CMC1: variants seen among roughly 807,000 people sequenced by gnomAD.
CMC1 encodes COX assembly mitochondrial protein homolog.
A neutral mutation model predicts 14.1 loss-of-function variants in CMC1; 14 were observed. That is an observed-to-expected ratio of 0.99 (90% confidence interval 0.66 to 1.55). CMC1 has a LOEUF of 1.55. Ranked by LOEUF, CMC1 falls within the 40% of genes most tolerant of loss-of-function variation. CMC1 has a pLI of 0.00. For synonymous variants in CMC1, 50 were observed against 38.4 expected (o/e 1.30, Z -1.12); for missense variants, 127 against 123.8 (o/e 1.03, Z -0.12).
chr3:28,264,585 T>A (rs1269488263), intron 2 of CMC1, among the ~76,000 whole-genome samples: 1 of 152,176 alleles, frequency 6.6e-6, no homozygotes, highest in Non-Finnish European at 1.5e-5. Context: ...TACCCCCAGA[T>A]GTCTTGAGAC....
chr3:28,298,236 T>C (rs1298650156), intron 2 of CMC1: 1 of 151,410 alleles, frequency 6.6e-6, no homozygotes, highest in Non-Finnish European at 1.5e-5. Context: ...ATATGGCTCA[T>C]TGGATATGAA....
chr3:28,295,055 C>A (rs188597760), intron 2 of CMC1, among the ~76,000 whole-genome samples: 3 of 152,012 alleles, frequency 2.0e-5, no homozygotes, highest in Non-Finnish European at 4.4e-5. Flanking sequence ...GCTGTGCTAC[C>A]CCAGAAATAC....
At chr3:28,306,240 G>T (rs952540168) in intron 2 of CMC1, among the ~76,000 whole-genome samples, 1 of 152,148 alleles carries the variant, frequency 6.6e-6, no homozygotes, top group Non-Finnish European at 1.5e-5. Context: ...TTGGTAATTT[G>T]ATAGGAATAG....
At chr3:28,308,483 A>G (rs1316911148) in intron 2 of CMC1, among the ~76,000 whole-genome samples, 1 of 152,184 alleles carries the variant, frequency 6.6e-6, no homozygotes, top group East Asian at 1.9e-4. Flanking sequence ...TTCTGCTATG[A>G]TGAAATAAAA....
intron 1 of CMC1, among the ~76,000 whole-genome samples, chr3:28,250,111 T>C (rs1304469267): frequency 2.0e-5 from 3 of 152,136 alleles, no homozygotes; most frequent in Non-Finnish European, 4.4e-5. Flanking sequence ...TACAGTCACA[T>C]TGAGGGTTAG....
At chr3:28,265,847 CTTGATCTAA>C (rs1161273864) in intron 2 of CMC1, among the ~76,000 whole-genome samples, 1 of 152,172 alleles carries the variant, frequency 6.6e-6, no homozygotes, top group Non-Finnish European at 1.5e-5. Flanking sequence ...GATCTTTGGA[CTTGATCTAA>C]TTTGCTAGCA....
intron 1 of CMC1, among the ~76,000 whole-genome samples, chr3:28,251,466 C>T (rs1357635203): frequency 6.6e-6 from 1 of 152,172 alleles, no homozygotes; most frequent in Non-Finnish European, 1.5e-5. Flanking sequence ...TACACTGCCA[C>T]ACTGGGGATC....
chr3:28,274,946 C>T (rs1266775392), intron 2 of CMC1, among the ~76,000 whole-genome samples: 1 of 152,054 alleles, frequency 6.6e-6, no homozygotes, highest in Non-Finnish European at 1.5e-5. Flanking sequence ...CCATCAGGTC[C>T]TTTATGTTCC....
At chr3:28,311,021 C>T (rs1702613604) in intron 2 of CMC1, among the ~76,000 whole-genome samples, 1 of 152,222 alleles carries the variant, frequency 6.6e-6, no homozygotes, top group Non-Finnish European at 1.5e-5. Flanking sequence ...CCGCCCGGTT[C>T]CTAACAGGCC....
intron 2 of CMC1, among the ~76,000 whole-genome samples, chr3:28,279,980 T>C (rs982088181): frequency 2.6e-5 from 4 of 152,216 alleles, no homozygotes; most frequent in African/African-American, 9.7e-5. Context: ...GTAGTGTATC[T>C]ATCAGTAGCC....
chr3:28,263,247 G>T lies in CMC1; in HGVS notation c.20-44G>T. On this transcript the variant is annotated intron_variant, in intron 1 of 3. Coordinates refer to ENST00000466830, the MANE Select transcript of CMC1 (RefSeq NM_182523.2). ...AGTCTTATTTTTCCTTTAATCTGGT[G>T]ATTTGCTTGAGACTTTATTAAAGAA... The T allele has an allele frequency of 2.2e-6, 3 of 1,390,324 alleles. No individual in the cohort carries two copies. The South Asian group carries it at 3.8e-5, about 18-fold the overall frequency. 86.1% of individuals were successfully genotyped at this position (1,390,324 alleles called of 1,614,324 possible). A position where few individuals can be genotyped will look rare whatever the true frequency, so the allele number is the denominator to read the frequency against.
intron 1 of CMC1, among the ~76,000 whole-genome samples, chr3:28,255,241 C>CT (rs61315525): frequency 0.07 from 9,310 of 133,104 alleles, 475 homozygotes; most frequent in Non-Finnish European, 0.1. Flanking sequence ...TTTGTTTCCT[C>CT]TTTTTTTTTT....
chr3:28,265,532 TAA>T (rs1668893090), intron 2 of CMC1, among the ~76,000 whole-genome samples: 6 of 152,152 alleles, frequency 3.9e-5, no homozygotes, highest in Admixed American at 3.9e-4. Context: ...GGTTCTTAGA[TAA>T]AAGATACAGG....
intron 2 of CMC1, 57 bp from the exon 3 acceptor site, chr3:28,316,276 G>T (rs1460215975): frequency 6.1e-6 from 5 of 822,690 alleles, no homozygotes; most frequent in Non-Finnish European, 9.2e-6. Context: ...AATTGTGTGT[G>T]TGGGTATTTA....
chr3:28,281,112 G>C (rs939717040), intron 2 of CMC1, among the ~76,000 whole-genome samples: 2 of 152,170 alleles, frequency 1.3e-5, no homozygotes, highest in African/African-American at 4.8e-5. Flanking sequence ...CACAGGAAAG[G>C]CTTGCCTAAA....
intron 1 of CMC1, among the ~76,000 whole-genome samples, chr3:28,245,016 G>C (rs1698746262): frequency 7.0e-6 from 1 of 143,748 alleles, no homozygotes; most frequent in Admixed American, 7.0e-5. Context: ...TTCACATTTT[G>C]ATGTTTTACT....
At chr3:28,287,084 G>C (rs1010138029) in intron 2 of CMC1, among the ~76,000 whole-genome samples, 1 of 151,894 alleles carries the variant, frequency 6.6e-6, no homozygotes, top group Non-Finnish European at 1.5e-5. Context: ...ACCAATTCTC[G>C]GATTCTTCCT....
At position 28,267,793 on chromosome 3, in the gene CMC1, G is replaced by A. The variant is rs564091369; in HGVS notation, c.109+4413G>A. ...TCAAGAATGCTTAGAATGTTCTTTAGGAAGTTTACAGGCAGGTAATTATCA... is the reference window on the plus strand; with the variant it reads ...TCAAGAATGCTTAGAATGTTCTTTAAGAAGTTTACAGGCAGGTAATTATCA... On this transcript the variant is annotated intron_variant, in intron 2 of 3. Transcript: ENST00000466830. Among the ~76,000 whole-genome samples the A allele has an allele frequency of 2.0e-5, 3 of 152,304 alleles. No individual in the cohort carries two copies. In the South Asian group the frequency reaches 6.2e-4, roughly 32 times the overall value.
intron 2 of CMC1, among the ~76,000 whole-genome samples, chr3:28,295,663 A>G (rs1701700982): frequency 6.6e-6 from 1 of 152,118 alleles, no homozygotes; most frequent in Admixed American, 6.6e-5. Flanking sequence ...TTACTCATAT[A>G]TCCCTAGAAC....
Sources: gnomAD v4.1 joint callset for allele counts (sites outside exome capture counted in the v4.1 genomes callset) on GRCh38, gnomAD v4.1.1 for gene constraint, MANE v1.5 for transcripts, NCBI Gene and HGNC (gene_info 2026-07-23, HGNC 2026-07-21) for gene names.